CPEB3: variants seen among roughly 807,000 people sequenced by gnomAD.
CPEB3 encodes cytoplasmic polyadenylation element-binding protein 3.
Under a neutral mutation model 67.2 loss-of-function variants are expected in CPEB3, and 20 were observed. That is an observed-to-expected ratio of 0.30 (90% CI 0.21 to 0.43). CPEB3 has a LOEUF of 0.43. Among genes scored for constraint, CPEB3 ranks in the 20% least tolerant of loss-of-function variants. CPEB3 has a pLI of 1.00. For synonymous variants in CPEB3, 376 were observed against 393.1 expected (o/e 0.96, Z 0.51); for missense variants, 746 against 968.6 (o/e 0.77, Z 3.05).
chr10:92,238,075 T>C (rs978711768), intron 2 of CPEB3, among the ~76,000 whole-genome samples: 3 of 152,312 alleles, frequency 2.0e-5, no homozygotes, highest in African/African-American at 7.2e-5. Flanking sequence ...CACCTGACAC[T>C]ATACCTCTCT....
chr10:92,279,681 G>C (rs965330346), intron 1 of CPEB3, among the ~76,000 whole-genome samples: 2 of 151,982 alleles, frequency 1.3e-5, no homozygotes, highest in Non-Finnish European at 2.9e-5. Context: ...TAATCAGTTT[G>C]GGGTAAAGAA....
At chr10:92,275,068 T>C (rs775196861) in intron 1 of CPEB3, among the ~76,000 whole-genome samples, 1 of 152,210 alleles carries the variant, frequency 6.6e-6, no homozygotes, top group Non-Finnish European at 1.5e-5. Context: ...GTTCCCAGGT[T>C]GATTCTCATG....
In CPEB3 at chr10:92,258,649, T is replaced by C. The variant is rs1270747383; in HGVS notation, c.-11-18288A>G. On this transcript the variant is annotated intron_variant, in intron 1 of 9. Coordinates refer to ENST00000265997, the MANE Select transcript of CPEB3 (RefSeq NM_014912.5). Reference sequence around the variant, plus strand: ...GAATATATATATATATATATATATATATATATATATATATATATATATATA... The same window carrying C: ...GAATATATATATATATATATATATACATATATATATATATATATATATATA... Among the ~76,000 whole-genome samples, 194 of 44,168 alleles carry C rather than the reference T, an allele frequency of 4.4e-3. 6 individuals carry two copies. Among genetic ancestry groups the C allele is most frequent in the East Asian group, 0.03 (68 of 2,230 alleles). 29.0% of individuals were successfully genotyped at this position (44,168 alleles called of 152,430 possible). A position where few individuals can be genotyped will look rare whatever the true frequency, so the allele number is the denominator to read the frequency against.
At chr10:92,244,956 T>C (rs1851999427) in intron 1 of CPEB3, among the ~76,000 whole-genome samples, 1 of 152,190 alleles carries the variant, frequency 6.6e-6, no homozygotes, top group Non-Finnish European at 1.5e-5. Context: ...TGTCAGTTGA[T>C]GACTATGCTG....
intron 2 of CPEB3, among the ~76,000 whole-genome samples, chr10:92,213,935 A>C (rs1850217930): frequency 6.6e-6 from 1 of 152,200 alleles, no homozygotes; most frequent in African/African-American, 2.4e-5. Flanking sequence ...TATAAGCCAT[A>C]CTTCTAAAAA....
chr10:92,178,889 C>T (rs917596625), intron 4 of CPEB3, among the ~76,000 whole-genome samples: 2 of 151,996 alleles, frequency 1.3e-5, no homozygotes, highest in Non-Finnish European at 1.5e-5. Flanking sequence ...TCATCTCAAG[C>T]TGGAGTCAAC....
intron 9 of CPEB3, among the ~76,000 whole-genome samples, chr10:92,064,202 T>A (rs1311884109): frequency 6.6e-6 from 1 of 152,134 alleles, no homozygotes; most frequent in Admixed American, 6.6e-5. Flanking sequence ...AAGAGATGTG[T>A]AGAGTTGCCA....
chr10:92,085,153 G>C (rs985475476), intron 8 of CPEB3, among the ~76,000 whole-genome samples: 2 of 152,192 alleles, frequency 1.3e-5, no homozygotes, highest in African/African-American at 4.8e-5. Flanking sequence ...GGGTAGCAGA[G>C]CAGGGCATAG....
intron 6 of CPEB3, among the ~76,000 whole-genome samples, chr10:92,132,122 A>G (rs1845871182): frequency 1.3e-5 from 2 of 152,214 alleles, no homozygotes; most frequent in Admixed American, 6.5e-5. Context: ...ACGTAAAACC[A>G]TATCTCAAGT....
intron 8 of CPEB3, among the ~76,000 whole-genome samples, chr10:92,084,164 C>CA (rs58877359): frequency 0.34 from 31,902 of 93,854 alleles, 5,157 homozygotes; most frequent in Middle Eastern, 0.47. Flanking sequence ...GACTCTGTCT[C>CA]AAAAAAAAAA....
intron 4 of CPEB3, among the ~76,000 whole-genome samples, chr10:92,164,300 T>G (rs979659880): frequency 6.6e-6 from 1 of 152,196 alleles, no homozygotes; most frequent in Non-Finnish European, 1.5e-5. Context: ...AGCACCTACT[T>G]TAACTCAAGG....
rs1564758485 is a variant in CPEB3 at position 92,076,762 on chromosome 10, AG to A, written c.1869+4557del. ...AAGTAAATAAAGGTTTCAAAGTAGA[AG>A]AAGGAAGAAGAAGGAGGAAGGAAGA... On this transcript the variant is annotated intron_variant, in intron 9 of 9. Transcript: ENST00000265997. 5.4e-5 allele frequency among the ~76,000 whole-genome samples: 4 copies of A among 73,500 alleles called. No homozygotes were observed. The South Asian group carries it at 4.0e-3, about 73-fold the overall frequency. 48.2% of individuals were successfully genotyped at this position (73,500 alleles called of 152,430 possible). A position where few individuals can be genotyped will look rare whatever the true frequency, so the allele number is the denominator to read the frequency against.
intron 3 of CPEB3, among the ~76,000 whole-genome samples, chr10:92,184,195 T>C (rs1020511299): frequency 6.6e-6 from 1 of 152,230 alleles, no homozygotes; most frequent in Non-Finnish European, 1.5e-5. Context: ...AGATTGAAAG[T>C]ATCACTAATT....
intron 6 of CPEB3, chr10:92,119,198 A>G (rs1027019641): frequency 3.2e-6 from 5 of 1,582,126 alleles, no homozygotes; most frequent in Non-Finnish European, 4.3e-6. Context: ...ATTCCTACAC[A>G]TTATTACATT....
intron 6 of CPEB3, among the ~76,000 whole-genome samples, chr10:92,141,601 T>C (rs1846425298): frequency 6.6e-6 from 1 of 151,736 alleles, no homozygotes; most frequent in Admixed American, 6.6e-5. Flanking sequence ...CTGCACATTG[T>C]GCACATGTAC....
Position 92,258,628 on chromosome 10 carries a change from ATATATATATATATAT to A in CPEB3, c.-11-18282_-11-18268del, listed in dbSNP as rs1354490504. 5.7e-3 allele frequency among the ~76,000 whole-genome samples: 483 copies of A among 84,172 alleles called. 27 individuals are homozygous for A. Among genetic ancestry groups the A allele is most frequent in the African/African-American group, 0.019 (332 of 17,928 alleles). 55.2% of individuals were successfully genotyped at this position (84,172 alleles called of 152,430 possible). On this transcript the variant is annotated intron_variant, in intron 1 of 9. Coordinates refer to ENST00000265997, the MANE Select transcript of CPEB3 (RefSeq NM_014912.5). ...CAGACTTCAATTATATTTTTTGAATATATATATATATATATATATATATATATATATATATATATA... is the reference window on the plus strand; with the variant it reads ...CAGACTTCAATTATATTTTTTGAATAATATATATATATATATATATATATA...
intron 1 of CPEB3, among the ~76,000 whole-genome samples, chr10:92,265,028 G>C (rs911135513): frequency 6.6e-6 from 1 of 151,846 alleles, no homozygotes; most frequent in African/African-American, 2.4e-5. Context: ...TAGGTGTGAT[G>C]GTGTGCGCCT....
intron 6 of CPEB3, among the ~76,000 whole-genome samples, chr10:92,140,439 G>A (rs1379866224): frequency 5.9e-5 from 9 of 152,134 alleles, no homozygotes; most frequent in African/African-American, 2.2e-4. Flanking sequence ...GTAGAAAGCT[G>A]AAACTGGATC....
In CPEB3 at chr10:92,203,525, TA is replaced by T. The variant is rs751410986; in HGVS notation, c.1006-10890del. ...ATGTGTGTGTATATATATATATATA[TA>T]TATTTTTTTTTTAGAGGTGTAGCTG... is the stretch of plus-strand genomic sequence containing the variant. On this transcript the variant is annotated intron_variant, in intron 2 of 9. Transcript: ENST00000265997. Among the ~76,000 whole-genome samples, 35 of 128,566 alleles carry T rather than the reference TA, an allele frequency of 2.7e-4. No homozygotes were observed. The East Asian group carries it at 3.3e-3, about 12-fold the overall frequency. The allele number at this position is 128,566 out of a possible 152,430, so 84.3% of individuals were successfully genotyped here. A position where few individuals can be genotyped will look rare whatever the true frequency, so the allele number is the denominator to read the frequency against.
Sources: allele counts gnomAD v4.1 joint callset (sites outside exome capture counted in the v4.1 genomes callset), GRCh38; gene constraint gnomAD v4.1.1; transcripts MANE v1.5; gene names NCBI Gene and HGNC (gene_info 2026-07-23, HGNC 2026-07-21).